PLCL1: variants seen among roughly 807,000 people sequenced by gnomAD.
The protein encoded by PLCL1 is phospholipase C like 1 (inactive).
PLCL1 carries 41 observed loss-of-function variants against 84.4 expected under a neutral mutation model. The observed-to-expected ratio is 0.49, with a 90% CI of 0.38 to 0.63. PLCL1 has a LOEUF of 0.63. Among genes scored for constraint, PLCL1 ranks in the 30% least tolerant of loss-of-function variants. The pLI is 0.00. For synonymous variants in PLCL1, 490 were observed against 488.3 expected, an observed-to-expected ratio of 1.00 and a Z score of -0.05; for missense variants, 1,206 against 1,367.8, an observed-to-expected ratio of 0.88 and a Z score of 1.87.
Position 198,086,051 on chromosome 2 carries a change from T to G in PLCL1, c.2534T>G (p.Ile845Arg), listed in dbSNP as rs1361239327. 6.2e-7 allele frequency: 1 copy of G among 1,613,962 alleles called. No homozygotes were observed. Among genetic ancestry groups the G allele is most frequent in the Non-Finnish European group, 8.5e-7 (1 of 1,179,982 alleles). Residue 845 changes from isoleucine to arginine, a missense_variant, in exon 2 of 6, where the codon ATA (isoleucine) becomes AGA (arginine). Ile to Arg is a moderately conservative substitution (Grantham distance 97). Transcript: ENST00000428675. ...GAGCACGTAACCCTTTTTGTCCACATAGCAATAACTAATCGAAGTGGAGGA... is the reference window on the plus strand; with the variant it reads ...GAGCACGTAACCCTTTTTGTCCACAGAGCAATAACTAATCGAAGTGGAGGA... ...IMEHVTLFVH[I>R]AITNRSGGGK...
In PLCL1 at chr2:198,010,972, C is replaced by T. The variant is rs189987504; in HGVS notation, c.241-72786C>T. ...TGCTGTGACATCAGTGGTAATATCT[C>T]TTTTTTCTTTTCTAATTTTAGCCAT... On this transcript the variant is annotated intron_variant, in intron 1 of 5. Transcript: ENST00000428675. 9.9e-5 allele frequency among the ~76,000 whole-genome samples: 15 copies of T among 151,678 alleles called. No homozygotes were observed. In the East Asian group the frequency reaches 2.9e-3, roughly 29 times the overall value.
intron 1 of PLCL1, among the ~76,000 whole-genome samples, chr2:198,015,788 T>G (rs1328446297): frequency 3.9e-5 from 6 of 152,148 alleles, no homozygotes; most frequent in Non-Finnish European, 5.9e-5. Flanking sequence ...AGAGCATATG[T>G]GTGATAAATG....
intron 1 of PLCL1, among the ~76,000 whole-genome samples, chr2:197,826,023 C>T (rs772282910): frequency 4.6e-5 from 7 of 152,126 alleles, no homozygotes; most frequent in African/African-American, 2.4e-5. Flanking sequence ...CATAATTTTA[C>T]GACAGGGTCT....
At chr2:197,913,283 G>A (rs76674264) in intron 1 of PLCL1, among the ~76,000 whole-genome samples, 272 of 152,352 alleles carry the variant, frequency 1.8e-3, no homozygotes, top group Middle Eastern at 3.4e-3. Flanking sequence ...TGCCAAGTTA[G>A]AGTCCCGTAT....
At chr2:197,923,723 A>G (rs1352276554) in intron 1 of PLCL1, among the ~76,000 whole-genome samples, 1 of 140,692 alleles carries the variant, frequency 7.1e-6, no homozygotes, top group African/African-American at 2.7e-5. Context: ...ATGGGCGGCC[A>G]GGCAGAGATG....
chr2:198,043,242 G>T, intron 1 of PLCL1, among the ~76,000 whole-genome samples: 1 of 152,248 alleles, frequency 6.6e-6, no homozygotes, highest in East Asian at 1.9e-4. Flanking sequence ...TGGAAAGAAA[G>T]GTATAAACAC....
rs188974211 is a variant in PLCL1 at position 198,030,402 on chromosome 2, C to A, written c.241-53356C>A. ...ACCTCACACTGTCACCCCAAAATTTCAGATTCCAGAATAACTAATAAATAA... is the reference window on the plus strand; with the variant it reads ...ACCTCACACTGTCACCCCAAAATTTAAGATTCCAGAATAACTAATAAATAA... On this transcript the variant is annotated intron_variant, in intron 1 of 5. Coordinates refer to ENST00000428675, the MANE Select transcript of PLCL1 (RefSeq NM_006226.4). Among the ~76,000 whole-genome samples the A allele has an allele frequency of 5.3e-5, 8 of 152,212 alleles. 1 individual carries two copies. Among genetic ancestry groups the A allele is most frequent in the African/African-American group, 1.9e-4 (8 of 41,556 alleles).
At chr2:197,939,424 T>C (rs1574959179) in intron 1 of PLCL1, among the ~76,000 whole-genome samples, 1 of 152,164 alleles carries the variant, frequency 6.6e-6, no homozygotes, top group Non-Finnish European at 1.5e-5. Context: ...ACAGTCTGGG[T>C]GACTTAAACG....
chr2:198,035,177 A>G (rs1691527223), intron 1 of PLCL1, among the ~76,000 whole-genome samples: 1 of 152,224 alleles, frequency 6.6e-6, no homozygotes, highest in South Asian at 2.1e-4. Flanking sequence ...TCATTGTTGA[A>G]GAAGAAAGGA....
intron 1 of PLCL1, among the ~76,000 whole-genome samples, chr2:197,888,100 A>AT (rs1687953807): frequency 6.6e-6 from 1 of 151,910 alleles, no homozygotes; most frequent in Non-Finnish European, 1.5e-5. Flanking sequence ...AAAAAAAAAA[A>AT]GGAAAAAATC....
chr2:198,010,125 G>C (rs751719264), intron 1 of PLCL1, among the ~76,000 whole-genome samples: 21 of 151,830 alleles, frequency 1.4e-4, no homozygotes, highest in Non-Finnish European at 2.8e-4. Flanking sequence ...AGACAATTTA[G>C]GTTCTTCTTT....
At chr2:198,092,324 C>G (rs942842147) in intron 3 of PLCL1, among the ~76,000 whole-genome samples, 3 of 152,162 alleles carry the variant, frequency 2.0e-5, no homozygotes, top group Non-Finnish European at 4.4e-5. Flanking sequence ...ATTCTCACAC[C>G]CTCTATTTTG....
At chr2:197,906,182 C>T (rs185410912) in intron 1 of PLCL1, among the ~76,000 whole-genome samples, 3 of 152,092 alleles carry the variant, frequency 2.0e-5, no homozygotes, top group East Asian at 3.9e-4. Context: ...TTTCTTCTAG[C>T]GTTTTTATGG....
rs113616351 is a variant in PLCL1 at position 198,001,715 on chromosome 2, C to T, written c.241-82043C>T. 2.5e-3 allele frequency among the ~76,000 whole-genome samples: 376 copies of T among 152,176 alleles called. 3 individuals are homozygous for T. Among genetic ancestry groups the T allele is most frequent in the African/African-American group, 8.7e-3 (363 of 41,510 alleles). ...GGTCTGTGGCTTGTTAGGAATCAGG[C>T]CCCACAGCAGGAGGTGAGTGGTGGG... On this transcript the variant is annotated intron_variant, in intron 1 of 5. Coordinates refer to ENST00000428675, the MANE Select transcript of PLCL1 (RefSeq NM_006226.4).
intron 1 of PLCL1, among the ~76,000 whole-genome samples, chr2:198,062,302 C>A (rs1456586707): frequency 6.6e-6 from 1 of 152,088 alleles, no homozygotes; most frequent in Non-Finnish European, 1.5e-5. Context: ...TTATACAAGA[C>A]AATTGTGATA....
At chr2:198,135,377 T>C (rs964624891) in intron 5 of PLCL1, among the ~76,000 whole-genome samples, 6 of 152,216 alleles carry the variant, frequency 3.9e-5, no homozygotes, top group Admixed American at 1.3e-4. Context: ...TAATATTCTG[T>C]CCTATCCTAT....
intron 1 of PLCL1, among the ~76,000 whole-genome samples, chr2:198,027,011 T>G (rs1244136387): frequency 6.6e-6 from 1 of 152,150 alleles, no homozygotes. Context: ...AATCCCACTA[T>G]TGGGTGTATA....
intron 3 of PLCL1, among the ~76,000 whole-genome samples, chr2:198,090,168 A>C (rs1369746565): frequency 2.0e-5 from 3 of 152,124 alleles, no homozygotes; most frequent in Non-Finnish European, 4.4e-5. Context: ...ATAATAATCT[A>C]TATTATAGAT....
intron 1 of PLCL1, among the ~76,000 whole-genome samples, chr2:197,842,798 C>T (rs991549666): frequency 1.3e-5 from 2 of 152,122 alleles, no homozygotes; most frequent in African/African-American, 2.4e-5. Context: ...CAACCTCTGT[C>T]GTATACTGTC....
Sources: allele counts gnomAD v4.1 joint callset (sites outside exome capture counted in the v4.1 genomes callset), GRCh38; gene constraint gnomAD v4.1.1; transcripts MANE v1.5; gene names NCBI Gene and HGNC (gene_info 2026-07-23, HGNC 2026-07-21).